The following POLRMT variants were observed in gnomAD, a reference collection of about 807,000 sequenced individuals.
POLRMT encodes the protein DNA-directed RNA polymerase, mitochondrial.
In POLRMT, 114 loss-of-function variants were observed where a neutral mutation model predicts 132.2. The ratio of observed to expected loss-of-function variants is 0.86; its 90% CI spans 0.74 to 1.01. The LOEUF (loss-of-function observed/expected upper bound fraction) is 1.01, where lower values mean the gene tolerates loss of function less well. Among genes scored for constraint, POLRMT ranks in the 50% least tolerant of loss-of-function variants. The probability of loss-of-function intolerance (pLI) is 0.00; values close to 1 mark genes in which losing one functional copy is unlikely to be tolerated. For missense variants in POLRMT, 2,003 were observed against 1,729.1 expected, an observed-to-expected ratio of 1.16 and a Z score of -2.81; for synonymous variants, 1,020 against 773.4, an observed-to-expected ratio of 1.32 and a Z score of -5.29.
chr19:629,651 G>C lies in POLRMT; in HGVS notation c.711C>G (p.Asp237Glu), dbSNP rs1344123953. Residue 237 changes from aspartate (D) to glutamate (E), a missense_variant, in exon 3 of 21, where the codon GAC (aspartate) becomes GAG (glutamate). By Grantham distance (45) the Asp-to-Glu change is conservative. Coordinates refer to ENST00000588649, the MANE Select transcript of POLRMT (RefSeq NM_005035.4). ...GCAGGTGGTGGGCGAGGGGCAGCTG[G>C]TCAGTGAGCAGGCAGCACTTGAAGA... Reference protein sequence around the residue: ...LAFFKCCLLTDQLPLAHHLLV... With the variant: ...LAFFKCCLLTEQLPLAHHLLV... 1.9e-6 allele frequency: 3 copies of C among 1,610,466 alleles called. No individual in the cohort carries two copies. The highest frequency in any genetic ancestry group is 1.1e-5 in the South Asian group (1 of 90,934).
chr19:622,815 A>ACGCACCTGCAGGAGCATC lies in POLRMT; in HGVS notation c.1443_1455+5dup. ...CGGGGACCCGGCCGCGCGGAGGAAG[A>ACGCACCTGCAGGAGCATC]CGCACCTGCAGGAGCATCCGCACCA... is the stretch of plus-strand genomic sequence containing the variant. On this transcript the variant is annotated splice_donor_region_variant and intron_variant, in intron 7 of 20. Transcript: ENST00000588649. The ACGCACCTGCAGGAGCATC allele has an allele frequency of 6.3e-7, 1 of 1,586,516 alleles. No individual in the cohort carries two copies. The highest frequency in any genetic ancestry group is 8.6e-7 in the Non-Finnish European group (1 of 1,167,486).
Position 621,665 on chromosome 19 carries a change from G to A in POLRMT, c.2033C>T (p.Thr678Met), listed in dbSNP as rs1430315671. Reference sequence around the variant, plus strand: ...GGTTTCCAGCAGCTCCTGGTGCTGCGTGGCGCCTTCCACCGTGCGCATCAG... The same window carrying A: ...GGTTTCCAGCAGCTCCTGGTGCTGCATGGCGCCTTCCACCGTGCGCATCAG... The part of the protein sequence containing the change: ...TKLMRTVEGA[T>M]QHQELLETCP... Residue 678 changes from threonine to methionine, a missense_variant, in exon 10 of 21, where the codon ACG (threonine) becomes ATG (methionine). Coordinates refer to ENST00000588649, the MANE Select transcript of POLRMT (RefSeq NM_005035.4). 4.5e-6 allele frequency: 7 copies of A among 1,550,756 alleles called. No homozygotes were observed. Among genetic ancestry groups the A allele is most frequent in the East Asian group, 4.7e-5 (2 of 42,752 alleles).
intron 3 of POLRMT, among the ~76,000 whole-genome samples, chr19:629,247 C>T (rs533995220): frequency 6.6e-6 from 1 of 152,066 alleles, no homozygotes; most frequent in Admixed American, 6.6e-5. Context: ...GAGGGCTCTG[C>T]AGGCTGCCCC....
rs763216071 is a variant in POLRMT at position 633,519 on chromosome 19, C to T, written c.-7G>A. 2.6e-5 allele frequency: 39 copies of T among 1,506,492 alleles called. 2 individuals are homozygous for T. In the Middle Eastern group the frequency reaches 1.8e-3, roughly 71 times the overall value. 93.3% of individuals were successfully genotyped at this position (1,506,492 alleles called of 1,614,324 possible). A position where few individuals can be genotyped will look rare whatever the true frequency, so the allele number is the denominator to read the frequency against. ...CCCAGCAAAGTGCCGACATTACGCA[C>T]GCCGCTCCAGGCCACCCCACCGGCC... is the stretch of plus-strand genomic sequence containing the variant. On this transcript the variant is annotated 5_prime_UTR_variant, in exon 1 of 21. It adds an upstream start codon to the 5' untranslated region. Coordinates refer to ENST00000588649, the MANE Select transcript of POLRMT (RefSeq NM_005035.4).
intron 9 of POLRMT, 94 bp from the exon 10 acceptor site, chr19:621,940 CCAA>C (rs1229709611): frequency 4.9e-6 from 7 of 1,436,872 alleles, no homozygotes; most frequent in Non-Finnish European, 6.5e-6. Context: ...GGCTCCCCGG[CCAA>C]CAAGAAACCA....
At position 617,446 on chromosome 19, in the gene POLRMT, CCTT is replaced by C; in HGVS notation, c.3613_3615del (p.Lys1205del). 1 of 1,612,154 alleles carries C rather than the reference CCTT, an allele frequency of 6.2e-7. No individual in the cohort carries two copies. The highest frequency in any genetic ancestry group is 1.1e-5 in the South Asian group (1 of 91,052). On this transcript the variant is annotated inframe_deletion, in exon 20 of 21. Transcript: ENST00000588649. ...GGCTTGGGCACCGCCTGCAGTGTCT[CCTT>C]CAGCTGGCTGGCCTCCAAGATCTTC...
intron 10 of POLRMT, 56 bp downstream of exon 10, chr19:621,002 C>G (rs1317386652): frequency 3.7e-6 from 3 of 817,870 alleles, no homozygotes; most frequent in African/African-American, 8.0e-5. Context: ...GCGGGGGCGC[C>G]GGGGGAGGGC....
Position 619,248 on chromosome 19 carries a change from T to C in POLRMT, c.3115A>G (p.Ser1039Gly), listed in dbSNP as rs778103620. ...GTCCCCGAGAACATCTCCTGTAGAC[T>C]CTTGAAGACCTGGCGTACGAGATAG... Reference protein sequence around the residue: ...SHYLVRQVFKSLQEMFSGTRA... With the variant: ...SHYLVRQVFKGLQEMFSGTRA... The change falls in exon 14 of 21, where the codon AGT becomes GGT. Residue 1039 changes from serine to glycine, a missense_variant. Transcript: ENST00000588649. 1.2e-6 allele frequency: 2 copies of C among 1,606,238 alleles called. No individual in the cohort carries two copies. Among genetic ancestry groups the C allele is most frequent in the Admixed American group, 1.7e-5 (1 of 59,390 alleles).
At chr19:623,030 G>C (rs759321404) in intron 6 of POLRMT, 45 bp from the exon 7 acceptor site, 12 of 1,598,002 alleles carry the variant, frequency 7.5e-6, no homozygotes, top group South Asian at 2.2e-5. Flanking sequence ...GCAGCTGGTG[G>C]GACCCAGGCT....
chr19:617,730 TG>T (rs1468122339), intron 18 of POLRMT, 46 bp downstream of exon 18: 11 of 1,611,198 alleles, frequency 6.8e-6, no homozygotes, highest in Non-Finnish European at 9.3e-6. Context: ...CGCCCCAGTG[TG>T]GGGGCCCCAC....
chr19:617,633 C>T lies in POLRMT; in HGVS notation c.3518G>A (p.Arg1173His), dbSNP rs761647797. 5.0e-5 allele frequency: 81 copies of T among 1,612,324 alleles called. No individual in the cohort carries two copies. Among genetic ancestry groups the T allele is most frequent in the South Asian group, 1.9e-4 (17 of 91,088 alleles). ...CTGCAGGATGGGCTCGCTGTGCAAGCGGACAAACTGCTCCCGGCACACCTG... is the reference window on the plus strand; with the variant it reads ...CTGCAGGATGGGCTCGCTGTGCAAGTGGACAAACTGCTCCCGGCACACCTG... Reference protein sequence around the residue: ...MNQVCREQFVRLHSEPILQDL... With the variant: ...MNQVCREQFVHLHSEPILQDL... Residue 1173 changes from arginine (R) to histidine (H), a missense_variant, in exon 19 of 21, where the codon CGC (arginine) becomes CAC (histidine). Coordinates refer to ENST00000588649, the MANE Select transcript of POLRMT (RefSeq NM_005035.4).
chr19:620,284 G>A lies in POLRMT; in HGVS notation c.2763+81C>T, dbSNP rs373153931. ...ACCTCCAGAGAATACCACGAGCGAAGGTGAAATCTCACACCCTCAAGTCGA... is the reference window on the plus strand; with the variant it reads ...ACCTCCAGAGAATACCACGAGCGAAAGTGAAATCTCACACCCTCAAGTCGA... On this transcript the variant is annotated intron_variant, in intron 11 of 20. Coordinates refer to ENST00000588649, the MANE Select transcript of POLRMT (RefSeq NM_005035.4). The A allele has an allele frequency of 6.3e-4, 927 of 1,470,240 alleles. 4 individuals carry two copies. Among genetic ancestry groups the A allele is most frequent in the South Asian group, 1.8e-3 (128 of 73,034 alleles). The allele number at this position is 1,470,240 out of a possible 1,614,324, so 91.1% of individuals were successfully genotyped here.
chr19:617,833 CGAA>C lies in POLRMT; in HGVS notation c.3436_3438del (p.Phe1146del). 2 of 1,613,238 alleles carry C rather than the reference CGAA, an allele frequency of 1.2e-6. No individual in the cohort carries two copies. Among genetic ancestry groups the C allele is most frequent in the Non-Finnish European group, 1.7e-6 (2 of 1,179,908 alleles). On this transcript the variant is annotated inframe_deletion, in exon 18 of 21. Coordinates refer to ENST00000588649, the MANE Select transcript of POLRMT (RefSeq NM_005035.4). ...GTCCAGTAACAGTCGTGCACAGAGA[CGAA>C]GGTCAGGCCCTTCCTGTGGCAGAGC... is the stretch of plus-strand genomic sequence containing the variant.
rs748128336 is a variant in POLRMT at position 621,698 on chromosome 19, G to A, written c.2000C>T (p.Pro667Leu). 1 of 1,586,406 alleles carries A rather than the reference G, an allele frequency of 6.3e-7. No individual in the cohort carries two copies. The highest frequency in any genetic ancestry group is 2.3e-5 in the East Asian group (1 of 44,330). Residue 667 changes from proline to leucine, a missense_variant, in exon 10 of 21, where the codon CCC (proline) becomes CTC (leucine). Pro to Leu is a moderately conservative substitution (Grantham distance 98). Transcript: ENST00000588649. ...SPHSGAFLLS[P>L]TKLMRTVEGA... ...TTCCACCGTGCGCATCAGCTTGGTG[G>A]GGCTGAGCAGGAAAGCACCAGAGTG...
chr19:623,776 C>T (rs1984819400), intron 5 of POLRMT, among the ~76,000 whole-genome samples, 173 bp from the exon 6 acceptor site: 1 of 152,202 alleles, frequency 6.6e-6, no homozygotes, highest in Non-Finnish European at 1.5e-5. Context: ...CAGTGCAAAC[C>T]AAAGGCCTTG....
In POLRMT at chr19:622,167, G is replaced by C. The variant is rs142327145; in HGVS notation, c.1833C>G (p.Ser611=). The part of the protein sequence containing the change: ...RLVPVLYHVY[S]FRNVQQIGIL... Reference sequence around the variant, plus strand: ...CTGGCACCTGCTGGACGTTGCGGAAGGAATACACGTGGTAGAGCACGGGGA... The same window carrying C: ...CTGGCACCTGCTGGACGTTGCGGAACGAATACACGTGGTAGAGCACGGGGA... Residue 611 remains serine (S), a synonymous_variant, in exon 9 of 21, where the codon TCC becomes TCG. Transcript: ENST00000588649. The C allele has an allele frequency of 2.2e-3, 3,418 of 1,563,904 alleles. 8 individuals carry two copies. Among genetic ancestry groups the C allele is most frequent in the Non-Finnish European group, 2.7e-3 (3,091 of 1,157,548 alleles).
At chr19:618,640 C>CGCTGTCTCCACCGTGGCT in intron 16 of POLRMT, 54 bp from the exon 17 acceptor site, 1 of 1,600,076 alleles carries the variant, frequency 6.2e-7, no homozygotes, top group Non-Finnish European at 8.5e-7. Context: ...CCTAACTGGC[C>CGCTGTCTCCACCGTGGCT]GCTGTCTCCA....
In POLRMT at chr19:617,772, G is replaced by C. The variant is rs1171282545; in HGVS notation, c.3495+5C>G. The C allele has an allele frequency of 1.2e-6, 2 of 1,613,234 alleles. No homozygotes were observed. The highest frequency in any genetic ancestry group is 1.7e-6 in the Non-Finnish European group (2 of 1,179,846). On this transcript the variant is annotated splice_donor_5th_base_variant and intron_variant, in intron 18 of 20. Coordinates refer to ENST00000588649, the MANE Select transcript of POLRMT (RefSeq NM_005035.4). ...GGTGGACTGAGGCTCAGACTACGGG[G>C]GCACCTGGTTCATGACGGAGACATC...
chr19:627,072 C>T (rs1985074447), intron 3 of POLRMT, among the ~76,000 whole-genome samples: 2 of 151,712 alleles, frequency 1.3e-5, no homozygotes, highest in Admixed American at 6.6e-5. Context: ...CCTCCCACCC[C>T]ATAGTCCTGC....
Sources: gnomAD v4.1 joint callset for allele counts (sites outside exome capture counted in the v4.1 genomes callset) on GRCh38, gnomAD v4.1.1 for gene constraint, MANE v1.5 for transcripts, NCBI Gene and HGNC (gene_info 2026-07-23, HGNC 2026-07-21) for gene names.